Variants in PPL observed in about 807,000 individuals in gnomAD.
The protein encoded by PPL is 190 kDa paraneoplastic pemphigus antigen.
Under a neutral mutation model 194.4 loss-of-function variants are expected in PPL, and 198 were observed. That is an observed-to-expected ratio of 1.02 (90% CI 0.91 to 1.15). PPL has a LOEUF of 1.15. Ranked by LOEUF, PPL falls within the 50% of genes most tolerant of loss-of-function variation. The pLI is 0.00. For synonymous variants in PPL, 1,220 were observed against 972.4 expected, an observed-to-expected ratio of 1.25 and a Z score of -4.74; for missense variants, 2,885 against 2,294.8, an observed-to-expected ratio of 1.26 and a Z score of -5.25.
intron 20 of PPL, among the ~76,000 whole-genome samples, 177 bp downstream of exon 20, chr16:4,887,925 C>T (rs928783781): frequency 5.9e-5 from 9 of 152,196 alleles, no homozygotes; most frequent in African/African-American, 1.9e-4. Flanking sequence ...ATTGATGTCA[C>T]TGCCCTAGAA....
intron 1 of PPL, 102 bp downstream of exon 1, chr16:4,936,882 C>T (rs994322269): frequency 3.3e-6 from 4 of 1,207,010 alleles, no homozygotes; most frequent in East Asian, 3.1e-5. Flanking sequence ...GGTTCCTGGA[C>T]CCCCGTACCC....
Position 4,903,923 on chromosome 16 carries a change from G to A in PPL, c.280C>T (p.His94Tyr), listed in dbSNP as rs1276560823. 2.5e-6 allele frequency: 4 copies of A among 1,614,086 alleles called. No individual in the cohort carries two copies. The highest frequency in any genetic ancestry group is 8.5e-7 in the Non-Finnish European group (1 of 1,180,042). ...ATGTCCCCCTGTGGGTGCTTCATGTGCTTGGCAATGGCCGCATCCGCCTCT... is the reference window on the plus strand; with the variant it reads ...ATGTCCCCCTGTGGGTGCTTCATGTACTTGGCAATGGCCGCATCCGCCTCT... ...VLEADAAIAKHMKHPQGDMIA... is the reference protein window; with the variant it reads ...VLEADAAIAKYMKHPQGDMIA... The change falls in exon 3 of 22, where the codon CAC (histidine) becomes TAC (tyrosine). Residue 94 changes from histidine to tyrosine, a missense_variant. Physicochemically the swap from His to Tyr is moderately conservative, Grantham distance 83. Transcript: ENST00000345988.
chr16:4,888,896 G>T, intron 19 of PPL, 82 bp downstream of exon 19: 1 of 1,369,428 alleles, frequency 7.3e-7, no homozygotes, highest in East Asian at 2.3e-5. Context: ...TGCCAGGGCC[G>T]GTGCTTGCTG....
intron 8 of PPL, among the ~76,000 whole-genome samples, chr16:4,898,493 C>T (rs78181796): frequency 0.082 from 12,505 of 152,206 alleles, 567 homozygotes; most frequent in African/African-American, 0.13. Flanking sequence ...CCTAAATCCA[C>T]TGACTGATAT....
intron 16 of PPL, 65 bp from the exon 17 acceptor site, chr16:4,890,986 C>A: frequency 7.2e-7 from 1 of 1,380,480 alleles, no homozygotes; most frequent in Non-Finnish European, 9.7e-7. Context: ...GCGATGACAC[C>A]CACTGAAGCC....
intron 1 of PPL, 132 bp downstream of exon 1, chr16:4,936,852 G>A (rs1452485920): frequency 9.0e-6 from 8 of 889,910 alleles, no homozygotes; most frequent in East Asian, 3.8e-5. Context: ...CGAGAGTCCC[G>A]CACTCCGGGT....
At chr16:4,912,906 C>A (rs767941443) in intron 1 of PPL, among the ~76,000 whole-genome samples, 1 of 152,170 alleles carries the variant, frequency 6.6e-6, no homozygotes, top group Non-Finnish European at 1.5e-5. Flanking sequence ...GAGTTTGAGA[C>A]CAGCCTGGCC....
rs899977787 is a variant in PPL at position 4,902,072 on chromosome 16, C to T, written c.438+334G>A. On this transcript the variant is annotated intron_variant, in intron 4 of 21. Coordinates refer to ENST00000345988, the MANE Select transcript of PPL (RefSeq NM_002705.5). The surrounding 1 kb of genome is among the most constrained non-coding windows in gnomAD (Gnocchi z 4.0). ...GCACCCAGGAAAGGGAGCGACAGGC[C>T]AGAAGCCTGGCCGCTTCCGCCCCAG... 6.6e-6 allele frequency among the ~76,000 whole-genome samples: 1 copy of T among 152,228 alleles called. No homozygotes were observed. Among genetic ancestry groups the T allele is most frequent in the African/African-American group, 2.4e-5 (1 of 41,448 alleles).
chr16:4,883,950 G>A lies in PPL; in HGVS notation c.4705C>T (p.Gln1569Ter), dbSNP rs2088156235. Residue 1569 changes from glutamine to a stop codon, truncating the protein, a stop_gained, in exon 22 of 22, where the codon CAG (glutamine) becomes TAG (stop). Coordinates refer to ENST00000345988, the MANE Select transcript of PPL (RefSeq NM_002705.5). LOFTEE classifies it high-confidence loss of function. The surrounding 1 kb of genome is among the most constrained non-coding windows in gnomAD (Gnocchi z 4.8). The stretch of plus-strand genomic sequence containing the variant: ...AGCTGCAGGTTTTGCCTCTCCAGCT[G>A]TAATTTGTGGTTCTCTTCCCTCAGA... Reference protein sequence around the residue: ...DFLREENHKLQLERQNLQLET... With the variant: ...DFLREENHKL 1.2e-6 allele frequency: 2 copies of A among 1,613,968 alleles called. No individual in the cohort carries two copies. The highest frequency in any genetic ancestry group is 1.7e-6 in the Non-Finnish European group (2 of 1,180,028).
chr16:4,892,338 A>T, intron 14 of PPL, 125 bp from the exon 15 acceptor site: 1 of 1,076,254 alleles, frequency 9.3e-7, no homozygotes, highest in East Asian at 2.6e-5. Flanking sequence ...GGCCTGGCAC[A>T]TTCTGGGGCT....
intron 6 of PPL, among the ~76,000 whole-genome samples, 192 bp from the exon 7 acceptor site, chr16:4,899,576 C>CTCAT (rs71139663): frequency 6.6e-6 from 1 of 151,360 alleles, no homozygotes; most frequent in Non-Finnish European, 1.5e-5. Context: ...ACCCCTGAAA[C>CTCAT]TCATTCATTC....
Position 4,888,121 on chromosome 16 carries a change from G to T in PPL, c.2495C>A (p.Ala832Asp), listed in dbSNP as rs1230534139. 1.2e-6 allele frequency: 2 copies of T among 1,613,338 alleles called. No homozygotes were observed. The highest frequency in any genetic ancestry group is 2.7e-5 in the African/African-American group (2 of 74,930). Residue 832 changes from alanine (A) to aspartate (D), a missense_variant, in exon 20 of 22, where the codon GCC becomes GAC. Physicochemically the swap from Ala to Asp is moderately radical, Grantham distance 126 (BLOSUM62 -2). Transcript: ENST00000345988. ...ACTCACCTCTTCCTTCACTTTGGTGGCAGGAGATTGGAGCCTGGCTCTCTT... is the reference window on the plus strand; with the variant it reads ...ACTCACCTCTTCCTTCACTTTGGTGTCAGGAGATTGGAGCCTGGCTCTCTT... ...VSKRARLQSP[A>D]TKVKEEEAAL... is the part of the protein sequence containing the mutation.
rs759419735 is a variant in PPL at position 4,885,385 on chromosome 16, C to T, written c.3270G>A (p.Glu1090=). 11 of 1,612,518 alleles carry T rather than the reference C, an allele frequency of 6.8e-6. No homozygotes were observed. The highest frequency in any genetic ancestry group is 5.0e-5 in the Admixed American group (3 of 59,990). The change falls in exon 22 of 22, where the codon GAG becomes GAA. Residue 1090 remains glutamate, a synonymous_variant. Coordinates refer to ENST00000345988, the MANE Select transcript of PPL (RefSeq NM_002705.5). The surrounding 1 kb of genome is among the most constrained non-coding windows in gnomAD (Gnocchi z 6.3). Reference sequence around the variant, plus strand: ...TGAGCTTGTCCTGGAGGAAGCTCAGCTCCTCCTCCTGCTTCTCCCTGAGCT... The same window carrying T: ...TGAGCTTGTCCTGGAGGAAGCTCAGTTCCTCCTCCTGCTTCTCCCTGAGCT... ...QDQLREKQEE[E]LSFLQDKLKR...
intron 1 of PPL, among the ~76,000 whole-genome samples, chr16:4,924,018 T>C (rs1442580189): frequency 6.6e-6 from 1 of 152,140 alleles, no homozygotes; most frequent in Non-Finnish European, 1.5e-5. Context: ...TAAATGGGGT[T>C]ATCATGCCTG....
At chr16:4,890,692 GA>G (rs761034425) in intron 17 of PPL, 35 bp downstream of exon 17, 19 of 1,565,168 alleles carry the variant, frequency 1.2e-5, no homozygotes, top group Non-Finnish European at 1.6e-5. Context: ...CGCATTCTCA[GA>G]AAACAAAAAT....
chr16:4,890,393 C>CT (rs1302106624), intron 17 of PPL, 59 bp from the exon 18 acceptor site: 3 of 1,489,636 alleles, frequency 2.0e-6, no homozygotes, highest in African/African-American at 1.4e-5. Flanking sequence ...ACCGAGCCCT[C>CT]ATTTTTTTTT....
intron 1 of PPL, among the ~76,000 whole-genome samples, chr16:4,916,940 G>A (rs954937137): frequency 1.3e-5 from 2 of 152,204 alleles, no homozygotes; most frequent in Admixed American, 6.5e-5. Flanking sequence ...GACCAGCCTG[G>A]CCAACATGGT....
chr16:4,936,500 C>T (rs2089300243), intron 1 of PPL, among the ~76,000 whole-genome samples: 1 of 152,296 alleles, frequency 6.6e-6, no homozygotes, highest in East Asian at 1.9e-4. Context: ...CTGGAGAGCG[C>T]CCCCCGACGC....
Position 4,885,550 on chromosome 16 carries a change from C to T in PPL, c.3105G>A (p.Gln1035=). ...GAREAEVLLL[Q]QRVAALAEEK... ...CTTCAGCCAGGGCGGCCACACGCTG[C>T]TGCAGGAGGAGCACCTCTGCCTCCC... The change falls in exon 22 of 22, where the codon CAG becomes CAA. Residue 1035 remains glutamine, a synonymous_variant. Transcript: ENST00000345988. This position sits in a 1 kb window ranked among gnomAD's most constrained non-coding sequence, Gnocchi z 6.3. 1 of 1,610,674 alleles carries T rather than the reference C, an allele frequency of 6.2e-7. No homozygotes were observed. Among genetic ancestry groups the T allele is most frequent in the Non-Finnish European group, 8.5e-7 (1 of 1,179,932 alleles).
Sources: allele counts gnomAD v4.1 joint callset (sites outside exome capture counted in the v4.1 genomes callset), GRCh38; gene constraint gnomAD v4.1.1; non-coding constraint Gnocchi (gnomAD v3.1); transcripts MANE v1.5; gene names NCBI Gene and HGNC (gene_info 2026-07-23, HGNC 2026-07-21).